SCN4A: variants seen among roughly 807,000 people sequenced by gnomAD.
SCN4A encodes the protein sodium channel protein type 4 subunit alpha.
Under a neutral mutation model 162.0 loss-of-function variants are expected in SCN4A, and 83 were observed. That is an observed-to-expected ratio of 0.51 (90% confidence interval 0.43 to 0.61). The LOEUF (loss-of-function observed/expected upper bound fraction) is 0.61. Among genes scored for constraint, SCN4A ranks in the 20% least tolerant of loss-of-function variants. The pLI is 0.00. For missense variants in SCN4A, 2,196 were observed against 2,462.5 expected, an observed-to-expected ratio of 0.89 and a Z score of 2.29; for synonymous variants, 944 against 985.1, an observed-to-expected ratio of 0.96 and a Z score of 0.78.
intron 15 of SCN4A, 34 bp downstream of exon 15, chr17:63,949,359 G>A: frequency 1.3e-6 from 2 of 1,545,732 alleles, no homozygotes; most frequent in Non-Finnish European, 1.7e-6. Context: ...CAGGCCTGGG[G>A]GAGACACCCA....
At chr17:63,968,398 G>A in intron 5 of SCN4A, 43 bp from the exon 6 acceptor site, 1 of 1,515,198 alleles carries the variant, frequency 6.6e-7, no homozygotes, top group Non-Finnish European at 8.9e-7. Flanking sequence ...GGGCAGGGCA[G>A]GGTGATAACA....
At chr17:63,955,832 C>A (rs575301862) in intron 13 of SCN4A, among the ~76,000 whole-genome samples, 40 of 152,310 alleles carry the variant, frequency 2.6e-4, no homozygotes, top group South Asian at 8.3e-4. Flanking sequence ...GGTGACACCC[C>A]CTTCCCTCTC....
chr17:63,963,634 C>A (rs781214780), intron 10 of SCN4A, 38 bp downstream of exon 10: 2 of 1,510,328 alleles, frequency 1.3e-6, no homozygotes, highest in Non-Finnish European at 1.8e-6. Context: ...CCAGGCTCCA[C>A]CCCTACCTAA....
At position 63,966,488 on chromosome 17, in the gene SCN4A, C is replaced by T. The variant is rs563773711; in HGVS notation, c.1093G>A (p.Asp365Asn). The T allele has an allele frequency of 6.2e-7, 1 of 1,613,844 alleles. No individual in the cohort carries two copies. Among genetic ancestry groups the T allele is most frequent in the African/African-American group, 1.3e-5 (1 of 75,044 alleles). Reference sequence around the variant, plus strand: ...TCCCTTAGCATCACTCACCCAGCATCACTGCTGTTCCCACAGAGCAGGGCA... The same window carrying T: ...TCCCTTAGCATCACTCACCCAGCATTACTGCTGTTCCCACAGAGCAGGGCA... ...NDALLCGNSSDAGHCPEGYEC... is the reference protein window; with the variant it reads ...NDALLCGNSSNAGHCPEGYEC... The change falls in exon 7 of 24, where the codon GAT becomes AAT. Residue 365 changes from aspartate (D) to asparagine (N), a missense_variant. Coordinates refer to ENST00000435607, the MANE Select transcript of SCN4A (RefSeq NM_000334.4).
intron 15 of SCN4A, among the ~76,000 whole-genome samples, 156 bp downstream of exon 15, chr17:63,949,237 G>C (rs1908827101): frequency 1.3e-5 from 2 of 152,234 alleles, no homozygotes; most frequent in South Asian, 4.1e-4. Flanking sequence ...TTGCACCACA[G>C]TTCTGGGCAT....
intron 10 of SCN4A, 160 bp from the exon 11 acceptor site, chr17:63,961,591 C>A (rs1597980449): frequency 1.6e-6 from 1 of 616,300 alleles, no homozygotes; most frequent in South Asian, 1.8e-5. Context: ...CCTCTTGCGT[C>A]ACCCTTACTG....
chr17:63,969,312 A>G (rs1909548767), intron 5 of SCN4A, among the ~76,000 whole-genome samples: 1 of 152,210 alleles, frequency 6.6e-6, no homozygotes. Flanking sequence ...AAATAATCCC[A>G]GGGGCAGGTT....
At position 63,945,494 on chromosome 17, in the gene SCN4A, C is replaced by T. The variant is rs769604063; in HGVS notation, c.3586G>A (p.Glu1196Lys). Residue 1196 changes from glutamate to lysine, a missense_variant, in exon 19 of 24, where the codon GAG (glutamate) becomes AAG (lysine). By Grantham distance (56) the Glu-to-Lys change is moderately conservative. Coordinates refer to ENST00000435607, the MANE Select transcript of SCN4A (RefSeq NM_000334.4). This position sits in a 1 kb window ranked among gnomAD's most constrained non-coding sequence, Gnocchi z 4.4. ...TTGACCTCGGAGATGTCGAACCTCT[C>T]AGAGGTGGTGGTGTTGATGCAGTAG... The part of the protein sequence containing the change: ...FYYCINTTTS[E>K]RFDISEVNNK... 1 of 1,613,986 alleles carries T rather than the reference C, an allele frequency of 6.2e-7. No individual in the cohort carries two copies. The highest frequency in any genetic ancestry group is 1.7e-5 in the Admixed American group (1 of 60,028).
At chr17:63,957,822 G>T (rs1597977656) in intron 12 of SCN4A, among the ~76,000 whole-genome samples, 1 of 152,058 alleles carries the variant, frequency 6.6e-6, no homozygotes, top group Non-Finnish European at 1.5e-5. Flanking sequence ...TGGCTGACAT[G>T]GTAAAATCCT....
In SCN4A at chr17:63,947,876, G is replaced by A. The variant is rs199864927; in HGVS notation, c.3318+14C>T. 1.9e-5 allele frequency: 30 copies of A among 1,612,668 alleles called. No individual in the cohort carries two copies. The East Asian group carries it at 5.6e-4, about 30-fold the overall frequency. On this transcript the variant is annotated intron_variant, in intron 17 of 23. Transcript: ENST00000435607. Reference sequence around the variant, plus strand: ...CTCTGGATGTAGCTACGGGGCCAGCGTGGGGGGACTCACATCCACGATGAG... The same window carrying A: ...CTCTGGATGTAGCTACGGGGCCAGCATGGGGGGACTCACATCCACGATGAG...
At chr17:63,942,025 C>T in intron 23 of SCN4A, 32 bp from the exon 24 acceptor site, 5 of 1,528,288 alleles carry the variant, frequency 3.3e-6, no homozygotes, top group Non-Finnish European at 4.4e-6. Flanking sequence ...GACGCTGCCA[C>T]TGGGGAGGGG....
intron 11 of SCN4A, 140 bp downstream of exon 11, chr17:63,961,053 C>A: frequency 2.4e-6 from 1 of 423,268 alleles, no homozygotes; most frequent in Non-Finnish European, 4.4e-6. Flanking sequence ...CTCATGCCTC[C>A]CATATGCTGG....
Position 63,951,377 on chromosome 17 carries a change from CAGG to C in SCN4A, c.2853+44_2853+46del. The C allele has an allele frequency of 2.9e-6, 4 of 1,360,576 alleles. No individual in the cohort carries two copies. Among genetic ancestry groups the C allele is most frequent in the Non-Finnish European group, 4.0e-6 (4 of 990,692 alleles). 84.3% of individuals were successfully genotyped at this position (1,360,576 alleles called of 1,614,324 possible). A position where few individuals can be genotyped will look rare whatever the true frequency, so the allele number is the denominator to read the frequency against. ...AGGACTTAGGGCTTGCTCCAGGTCA[CAGG>C]AGAATTTGAAGCCGGGTCTGTCTGA... On this transcript the variant is annotated intron_variant, in intron 14 of 23. Coordinates refer to ENST00000435607, the MANE Select transcript of SCN4A (RefSeq NM_000334.4). The surrounding 1 kb of genome is among the most constrained non-coding windows in gnomAD (Gnocchi z 4.5).
At position 63,948,693 on chromosome 17, in the gene SCN4A, C is replaced by T. The variant is rs770497876; in HGVS notation, c.3062G>A (p.Arg1021His). ...CTCGACAATCTTGAAGCAGGCCCTG[C>T]GCAGAGTCCACCACTTCTTCCCACG... is the stretch of plus-strand genomic sequence containing the variant. ...QGRGKKWWTL[R>H]RACFKIVEHN... is the part of the protein sequence containing the mutation. Residue 1021 changes from arginine (R) to histidine (H), a missense_variant, in exon 16 of 24, where the codon CGC (arginine) becomes CAC (histidine). Transcript: ENST00000435607. The T allele has an allele frequency of 1.6e-5, 26 of 1,613,638 alleles. No individual in the cohort carries two copies. Among genetic ancestry groups the T allele is most frequent in the East Asian group, 2.2e-5 (1 of 44,880 alleles).
In SCN4A at chr17:63,941,019, G is replaced by A. The variant is rs758293600; in HGVS notation, c.5263C>T (p.Arg1755Cys). The change falls in exon 24 of 24, where the codon CGC (arginine) becomes TGC (cysteine). Residue 1755 changes from arginine (R) to cysteine (C), a missense_variant. Transcript: ENST00000435607. This position sits in a 1 kb window ranked among gnomAD's most constrained non-coding sequence, Gnocchi z 6.2. ...TCCCCGCTGCCGTCGTGGCTGTGGC[G>A]GTACATGTAGGATGCCTGCTTCATG... The part of the protein sequence containing the change: ...RSMKQASYMY[R>C]HSHDGSGDDA... 5.6e-6 allele frequency: 9 copies of A among 1,613,836 alleles called. No individual in the cohort carries two copies. The highest frequency in any genetic ancestry group is 2.7e-5 in the African/African-American group (2 of 75,040).
chr17:63,971,296 G>A, intron 4 of SCN4A, 43 bp from the exon 5 acceptor site: 1 of 1,071,192 alleles, frequency 9.3e-7, no homozygotes, highest in Non-Finnish European at 1.4e-6. Flanking sequence ...CAGAGCCTGG[G>A]GTGGGTGGTA....
chr17:63,946,923 G>C (rs1289248886), intron 18 of SCN4A, 122 bp downstream of exon 18: 14 of 982,324 alleles, frequency 1.4e-5, no homozygotes, highest in Non-Finnish European at 2.1e-5. Flanking sequence ...GCAGGGCCGT[G>C]GGTCCAAGCT....
Position 63,950,611 on chromosome 17 carries a change from C to T in SCN4A, c.2853+813G>A, listed in dbSNP as rs1908876672. On this transcript the variant is annotated intron_variant, in intron 14 of 23. Transcript: ENST00000435607. This position sits in a 1 kb window ranked among gnomAD's most constrained non-coding sequence, Gnocchi z 4.6. ...AATAAGGAGTCAAAAGCTTTCAGGG[C>T]AAAGTTCATTAGGCTCAGGCTGATG... Among the ~76,000 whole-genome samples the T allele has an allele frequency of 6.6e-6, 1 of 152,220 alleles. No individual in the cohort carries two copies. Among genetic ancestry groups the T allele is most frequent in the Admixed American group, 6.5e-5 (1 of 15,284 alleles).
chr17:63,949,020 AG>A (rs1265871560), intron 15 of SCN4A, among the ~76,000 whole-genome samples: 1 of 146,994 alleles, frequency 6.8e-6, no homozygotes, highest in Non-Finnish European at 1.5e-5. Flanking sequence ...CCTGGCCCCC[AG>A]CCCCAGTGCT....
Sources: allele counts gnomAD v4.1 joint callset (sites outside exome capture counted in the v4.1 genomes callset), GRCh38; gene constraint gnomAD v4.1.1; non-coding constraint Gnocchi (gnomAD v3.1); transcripts MANE v1.5; gene names NCBI Gene and HGNC (gene_info 2026-07-23, HGNC 2026-07-21).